TXNDC5: variants seen among roughly 807,000 people sequenced by gnomAD.
The protein encoded by TXNDC5 is thioredoxin domain containing 5, also known as thioredoxin domain-containing protein 5.
Under a neutral mutation model 52.6 loss-of-function variants are expected in TXNDC5, and 44 were observed. That is an observed-to-expected ratio of 0.84 (90% CI 0.66 to 1.08). The LOEUF is 1.08. TXNDC5 is among the 50% of genes least tolerant of loss of function. The pLI, the probability that TXNDC5 is intolerant of heterozygous loss-of-function variation, is 0.00. For missense variants in TXNDC5, 600 were observed against 565.5 expected (o/e 1.06, Z -0.62); for synonymous variants, 241 against 234.4 (o/e 1.03, Z -0.26).
Position 7,887,296 on chromosome 6 carries a change from G to A in TXNDC5, c.964-1253C>T, listed in dbSNP as rs150574247. On this transcript the variant is annotated intron_variant, in intron 7 of 9. Transcript: ENST00000379757. ...TGAAGAGGATGACACGGGCACTCTC[G>A]TCCAGTGCAGACCTCCTGCCGCAGC... is the stretch of plus-strand genomic sequence containing the variant. Among the ~76,000 whole-genome samples the A allele has an allele frequency of 4.3e-3, 658 of 152,198 alleles. 3 individuals carry two copies. Among genetic ancestry groups the A allele is most frequent in the Non-Finnish European group, 7.1e-3 (483 of 68,000 alleles).
chr6:7,907,796 G>A (rs1487723754), intron 1 of TXNDC5, among the ~76,000 whole-genome samples: 1 of 152,056 alleles, frequency 6.6e-6, no homozygotes, highest in Non-Finnish European at 1.5e-5. Context: ...AGGTATTGTT[G>A]GTCCTACTTG....
At chr6:7,910,468 G>A (rs368152958) in intron 1 of TXNDC5, 46 bp downstream of exon 1, 206 of 1,360,578 alleles carry the variant, frequency 1.5e-4, no homozygotes, top group Non-Finnish European at 1.9e-4. Context: ...CCCACGCCCC[G>A]CGAAGCGCCA....
At chr6:7,895,008 C>T in intron 4 of TXNDC5, 98 bp downstream of exon 4, 1 of 1,479,988 alleles carries the variant, frequency 6.8e-7, no homozygotes, top group Non-Finnish European at 9.1e-7. Context: ...GCCACTGATG[C>T]TGCTATCTAA....
chr6:7,910,577 G>T lies in TXNDC5; in HGVS notation c.200C>A (p.Thr67Lys). ...GQDPHSKHLY[T>K]ADMFTHGIQS... ...GATCCCGTGCGTGAACATGTCGGCCGTGTACAGGTGCTTGCTGTGCGGGTC... is the reference window on the plus strand; with the variant it reads ...GATCCCGTGCGTGAACATGTCGGCCTTGTACAGGTGCTTGCTGTGCGGGTC... The change falls in exon 1 of 10, where the codon ACG becomes AAG. Residue 67 changes from threonine to lysine, a missense_variant. Coordinates refer to ENST00000379757, the MANE Select transcript of TXNDC5 (RefSeq NM_030810.5). 1 of 1,440,724 alleles carries T rather than the reference G, an allele frequency of 6.9e-7. No homozygotes were observed. Among genetic ancestry groups the T allele is most frequent in the Non-Finnish European group, 9.2e-7 (1 of 1,085,150 alleles). The allele number at this position is 1,440,724 out of a possible 1,614,324, so 89.2% of individuals were successfully genotyped here.
chr6:7,906,796 G>C (rs1452865149), intron 1 of TXNDC5, among the ~76,000 whole-genome samples: 1 of 151,936 alleles, frequency 6.6e-6, no homozygotes, highest in East Asian at 1.9e-4. Context: ...ACAGAACCCT[G>C]AAGTGTGTGC....
intron 2 of TXNDC5, among the ~76,000 whole-genome samples, chr6:7,902,404 T>C (rs1760599374): frequency 6.6e-6 from 1 of 151,526 alleles, no homozygotes; most frequent in African/African-American, 2.4e-5. Context: ...CTAGGGAGCG[T>C]GGGAGCCCAA....
intron 1 of TXNDC5, chr6:7,909,769 C>G: frequency 3.0e-6 from 3 of 986,056 alleles, no homozygotes; most frequent in Non-Finnish European, 3.6e-6. Context: ...GCCCGGACCA[C>G]TCCTTCCTAT....
At position 7,899,557 on chromosome 6, in the gene TXNDC5, G is replaced by T; in HGVS notation, c.519+19C>A. On this transcript the variant is annotated intron_variant, in intron 3 of 9. Coordinates refer to ENST00000379757, the MANE Select transcript of TXNDC5 (RefSeq NM_030810.5). ...AGAGGGAGGGAGGGAGGGAGGGAGG[G>T]AAGGAGGTAGACACTCACCACTGGC... The T allele has an allele frequency of 7.0e-7, 1 of 1,421,830 alleles. No homozygotes were observed. The allele number at this position is 1,421,830 out of a possible 1,614,324, so 88.1% of individuals were successfully genotyped here. A position where few individuals can be genotyped will look rare whatever the true frequency, so the allele number is the denominator to read the frequency against.
Position 7,910,748 on chromosome 6 carries a change from G to A in TXNDC5, c.29C>T (p.Pro10Leu), listed in dbSNP as rs571433703. The A allele has an allele frequency of 9.9e-7, 1 of 1,008,970 alleles. No homozygotes were observed. The highest frequency in any genetic ancestry group is 1.2e-6 in the Non-Finnish European group (1 of 848,670). The allele number at this position is 1,008,970 out of a possible 1,614,324, so 62.5% of individuals were successfully genotyped here. A position where few individuals can be genotyped will look rare whatever the true frequency, so the allele number is the denominator to read the frequency against. Residue 10 changes from proline (P) to leucine (L), a missense_variant, in exon 1 of 10, where the codon CCG (proline) becomes CTG (leucine). Transcript: ENST00000379757. Reference sequence around the variant, plus strand: ...CAGGGCCGCCGGCCGGGCCAGCAGCGGGAGGAGGCGTCCTGGGCGCGCGGG... The same window carrying A: ...CAGGGCCGCCGGCCGGGCCAGCAGCAGGAGGAGGCGTCCTGGGCGCGCGGG... MPARPGRLL[P>L]LLARPAALTA...
rs760459195 is a variant in TXNDC5 at position 7,884,467 on chromosome 6, CAG to C, written c.1066_1067del (p.Leu356GlyfsTer9). The C allele has an allele frequency of 8.7e-6, 14 of 1,614,070 alleles. No individual in the cohort carries two copies. Among genetic ancestry groups the C allele is most frequent in the Non-Finnish European group, 1.2e-5 (14 of 1,179,988 alleles). ...TAGAGAGTTCCTCCCAAGTAGGAGC[CAG>C]AGTCTTACAATGACCACACCTAAGA... Reference protein sequence around the residue: ...YAPWCGHCKTLAPTWEELSKK... With the variant: ...YAPWCGHCKTXAPTWEELSKK... On this transcript the variant is annotated frameshift_variant, in exon 9 of 10. Transcript: ENST00000379757. LOFTEE classifies it high-confidence loss of function.
intron 4 of TXNDC5, among the ~76,000 whole-genome samples, chr6:7,892,768 C>T (rs1007296987): frequency 2.6e-5 from 4 of 152,220 alleles, no homozygotes; most frequent in East Asian, 1.9e-4. Context: ...TGTGAGGCTT[C>T]GCCAGCCACG....
At chr6:7,896,489 T>A (rs904853943) in intron 3 of TXNDC5, among the ~76,000 whole-genome samples, 3 of 152,232 alleles carry the variant, frequency 2.0e-5, no homozygotes, top group African/African-American at 7.2e-5. Flanking sequence ...GGGGTTCATA[T>A]TCCTATTAAA....
At chr6:7,894,428 T>C (rs1760300511) in intron 4 of TXNDC5, among the ~76,000 whole-genome samples, 1 of 152,156 alleles carries the variant, frequency 6.6e-6, no homozygotes, top group Non-Finnish European at 1.5e-5. Context: ...AGAGAAGCTT[T>C]TGTTTCTGCC....
In TXNDC5 at chr6:7,903,489, G is replaced by A. The variant is rs140992968; in HGVS notation, c.413+1085C>T. 4.3e-3 allele frequency among the ~76,000 whole-genome samples: 651 copies of A among 152,302 alleles called. 1 individual carries two copies. Among genetic ancestry groups the A allele is most frequent in the Non-Finnish European group, 6.6e-3 (449 of 68,016 alleles). On this transcript the variant is annotated intron_variant, in intron 2 of 9. Transcript: ENST00000379757. ...CATTCCATGTAAGTCCTGTAACAAT[G>A]TTTGGGGGATCACCTTACTTACAGG...
chr6:7,889,926 AG>A (rs1023666037), intron 5 of TXNDC5, among the ~76,000 whole-genome samples: 1 of 152,108 alleles, frequency 6.6e-6, no homozygotes, highest in Admixed American at 6.6e-5. Context: ...TGGTGGTGGG[AG>A]GGGGGTTAGC....
Position 7,888,743 on chromosome 6 carries a change from C to CT in TXNDC5, c.924dup (p.Glu309ArgfsTer8). ...GGCTCAGCTGCCAGCACCGGGGCCT[C>CT]TGAGGGCGTGACGGTCTCCGTCGCT... On this transcript the variant is annotated frameshift_variant, in exon 7 of 10. Transcript: ENST00000379757. LOFTEE classifies it high-confidence loss of function. The CT allele has an allele frequency of 1.9e-6, 3 of 1,613,872 alleles. No individual in the cohort carries two copies. Among genetic ancestry groups the CT allele is most frequent in the Non-Finnish European group, 2.5e-6 (3 of 1,179,966 alleles).
chr6:7,883,224 T>C lies in TXNDC5; in HGVS notation c.1219A>G (p.Lys407Glu), dbSNP rs1020066764. The change falls in exon 10 of 10, where the codon AAA becomes GAA. Residue 407 changes from lysine to glutamate, a missense_variant. Physicochemically the swap from Lys to Glu is moderately conservative, Grantham distance 56. Transcript: ENST00000379757. ...PTLLLFRGGKKVSEHSGGRDL... is the reference protein window; with the variant it reads ...PTLLLFRGGKEVSEHSGGRDL... Reference sequence around the variant, plus strand: ...CTGCCTCCACTGTGCTCACTGACTTTCTTCCCTCCTCGGAAAAGCAATAAC... The same window carrying C: ...CTGCCTCCACTGTGCTCACTGACTTCCTTCCCTCCTCGGAAAAGCAATAAC... The C allele has an allele frequency of 1.2e-6, 2 of 1,614,068 alleles. No homozygotes were observed. The highest frequency in any genetic ancestry group is 2.7e-5 in the African/African-American group (2 of 74,940).
chr6:7,886,090 G>C (rs1358775065), intron 7 of TXNDC5, 47 bp from the exon 8 acceptor site: 18 of 1,552,590 alleles, frequency 1.2e-5, no homozygotes, highest in Non-Finnish European at 1.6e-5. Flanking sequence ...CCTTAAAGTT[G>C]AGCAGGGCCA....
rs1760080940 is a variant in TXNDC5 at position 7,888,583 on chromosome 6, A to AT, written c.963+121dup. The AT allele has an allele frequency of 6.7e-5, 86 of 1,286,946 alleles. 1 individual carries two copies. The South Asian group carries it at 1.2e-3, about 19-fold the overall frequency. The allele number at this position is 1,286,946 out of a possible 1,614,324, so 79.7% of individuals were successfully genotyped here. A position where few individuals can be genotyped will look rare whatever the true frequency, so the allele number is the denominator to read the frequency against. The stretch of plus-strand genomic sequence containing the variant: ...AAACGCAACTGGAGCCAACCATCAG[A>AT]TGACTGTGTCCCCAAACTGTCATTT... On this transcript the variant is annotated intron_variant, in intron 7 of 9. Transcript: ENST00000379757.
Sources: gnomAD v4.1 joint callset for allele counts (sites outside exome capture counted in the v4.1 genomes callset) on GRCh38, gnomAD v4.1.1 for gene constraint, MANE v1.5 for transcripts, NCBI Gene and HGNC (gene_info 2026-07-23, HGNC 2026-07-21) for gene names.